KIF18A: variants seen among roughly 807,000 people sequenced by gnomAD.
KIF18A encodes the protein kinesin family member 18A.
A neutral mutation model predicts 103.3 loss-of-function variants in KIF18A; 67 were observed. That is an observed-to-expected ratio of 0.65 (90% CI 0.53 to 0.79). The LOEUF (loss-of-function observed/expected upper bound fraction) is 0.79, where lower values mean the gene tolerates loss of function less well. KIF18A is among the 30% of genes least tolerant of loss of function. KIF18A has a pLI of 0.00. For missense variants in KIF18A, 1,032 were observed against 1,062.5 expected, an observed-to-expected ratio of 0.97 and a Z score of 0.40; for synonymous variants, 367 against 355.5, an observed-to-expected ratio of 1.03 and a Z score of -0.36.
Position 28,029,606 on chromosome 11 carries a change from T to C in KIF18A, c.2505-5756A>G, listed in dbSNP as rs569601791. 2.0e-3 allele frequency among the ~76,000 whole-genome samples: 299 copies of C among 152,290 alleles called. 1 individual carries two copies. Among genetic ancestry groups the C allele is most frequent in the African/African-American group, 5.9e-3 (247 of 41,560 alleles). Reference sequence around the variant, plus strand: ...TGTGCAAAAACTGGAAGCATTCCCTTTGAAAACTGGCACAAGACAGGGATG... The same window carrying C: ...TGTGCAAAAACTGGAAGCATTCCCTCTGAAAACTGGCACAAGACAGGGATG... On this transcript the variant is annotated intron_variant, in intron 15 of 16. Coordinates refer to ENST00000263181, the MANE Select transcript of KIF18A (RefSeq NM_031217.4).
intron 15 of KIF18A, 124 bp from the exon 16 acceptor site, chr11:28,023,974 A>C: frequency 2.0e-6 from 1 of 507,036 alleles, no homozygotes; most frequent in Non-Finnish European, 3.5e-6. Flanking sequence ...GTGAAATCTC[A>C]CAGAAGTGGA....
At position 28,084,780 on chromosome 11, in the gene KIF18A, T is replaced by G; in HGVS notation, c.926A>C (p.Asn309Thr). ...KRKNQHIPYR[N>T]SKLTRLLKDS... ...CTTTAACAAGCGAGTAAGCTTACTATTTCTGTAAGGGATATGCTGATTCTT... is the reference window on the plus strand; with the variant it reads ...CTTTAACAAGCGAGTAAGCTTACTAGTTCTGTAAGGGATATGCTGATTCTT... Residue 309 changes from asparagine to threonine, a missense_variant, in exon 7 of 17, where the codon AAT (asparagine) becomes ACT (threonine). Physicochemically the swap from Asn to Thr is moderately conservative, Grantham distance 65. Transcript: ENST00000263181. 6.2e-7 allele frequency: 1 copy of G among 1,613,090 alleles called. No homozygotes were observed. Among genetic ancestry groups the G allele is most frequent in the Non-Finnish European group, 8.5e-7 (1 of 1,179,348 alleles).
At chr11:28,058,335 G>C (rs376832591) in intron 13 of KIF18A, among the ~76,000 whole-genome samples, 2 of 151,286 alleles carry the variant, frequency 1.3e-5, no homozygotes, top group African/African-American at 4.9e-5. Context: ...AAGAAGGATG[G>C]GAAGCAAAAT....
chr11:28,034,929 G>C (rs553808936), intron 15 of KIF18A, among the ~76,000 whole-genome samples: 17 of 151,526 alleles, frequency 1.1e-4, no homozygotes, highest in African/African-American at 4.1e-4. Context: ...TAGGTAGCTT[G>C]GTCTGATACA....
chr11:28,041,401 A>T (rs1440930916), intron 13 of KIF18A, among the ~76,000 whole-genome samples: 3 of 151,740 alleles, frequency 2.0e-5, no homozygotes, highest in Non-Finnish European at 4.4e-5. Context: ...CAGAAAAAAT[A>T]GCATGTGCAG....
At chr11:28,052,400 T>C (rs1304561329) in intron 13 of KIF18A, among the ~76,000 whole-genome samples, 1 of 152,146 alleles carries the variant, frequency 6.6e-6, no homozygotes, top group African/African-American at 2.4e-5. Flanking sequence ...ACTTTCATTC[T>C]CTTTTTCTTT....
chr11:28,037,501 C>T (rs1019816121), intron 13 of KIF18A, among the ~76,000 whole-genome samples: 1 of 151,454 alleles, frequency 6.6e-6, no homozygotes, highest in Non-Finnish European at 1.5e-5. Flanking sequence ...AGGCTATATA[C>T]TATGCCATTT....
At chr11:28,097,591 A>T in intron 2 of KIF18A, 32 bp downstream of exon 2, 1 of 1,351,412 alleles carries the variant, frequency 7.4e-7, no homozygotes, top group Non-Finnish European at 1.1e-6. Context: ...GAAATCGGAT[A>T]GAGAAATTAA....
chr11:28,065,355 G>A (rs1162682393), intron 11 of KIF18A, among the ~76,000 whole-genome samples: 1 of 151,956 alleles, frequency 6.6e-6, no homozygotes, highest in Non-Finnish European at 1.5e-5. Flanking sequence ...AAAGAATTGA[G>A]GGTTAGATTT....
chr11:28,075,180 T>C (rs1006959541), intron 10 of KIF18A, among the ~76,000 whole-genome samples: 13 of 152,170 alleles, frequency 8.5e-5, no homozygotes, highest in Non-Finnish European at 1.6e-4. Flanking sequence ...CTATCCTTTA[T>C]ACAACATCTT....
chr11:28,068,191 C>T (rs1174842502), intron 11 of KIF18A, among the ~76,000 whole-genome samples: 7 of 152,076 alleles, frequency 4.6e-5, no homozygotes, highest in African/African-American at 1.4e-4. Flanking sequence ...AAACACTGCA[C>T]GTTCTCACTC....
At chr11:28,048,591 T>C (rs1421524266) in intron 13 of KIF18A, among the ~76,000 whole-genome samples, 1 of 152,074 alleles carries the variant, frequency 6.6e-6, no homozygotes, top group Non-Finnish European at 1.5e-5. Context: ...AACTAAATAC[T>C]AATATAAGTT....
intron 12 of KIF18A, among the ~76,000 whole-genome samples, chr11:28,060,987 C>T (rs932580127): frequency 2.6e-5 from 4 of 152,154 alleles, no homozygotes; most frequent in African/African-American, 7.2e-5. Flanking sequence ...GCAGACTTTG[C>T]GCCCTGTACC....
chr11:28,025,520 C>A (rs1850306152), intron 15 of KIF18A, among the ~76,000 whole-genome samples: 2 of 151,900 alleles, frequency 1.3e-5, no homozygotes, highest in Non-Finnish European at 2.9e-5. Flanking sequence ...TTACTCATAG[C>A]ATGTTCTTTC....
chr11:28,076,390 G>A (rs1163523350), intron 10 of KIF18A: 1 of 152,092 alleles, frequency 6.6e-6, no homozygotes, highest in East Asian at 1.9e-4. Flanking sequence ...TTTAGTAACT[G>A]GCTAACCTGA....
chr11:28,083,369 A>C (rs1013943711), intron 7 of KIF18A, 126 bp from the exon 8 acceptor site: 35 of 1,051,508 alleles, frequency 3.3e-5, no homozygotes, highest in Admixed American at 1.5e-4. Context: ...AATTATGCTC[A>C]CATTTAAAAT....
At chr11:28,036,722 C>G in intron 13 of KIF18A, 58 bp from the exon 14 acceptor site, 1 of 1,068,806 alleles carries the variant, frequency 9.4e-7, no homozygotes, top group Non-Finnish European at 1.3e-6. Context: ...TTAAATAACC[C>G]CCATTACTTT....
intron 10 of KIF18A, among the ~76,000 whole-genome samples, 178 bp from the exon 11 acceptor site, chr11:28,069,601 T>C (rs964044819): frequency 2.0e-5 from 3 of 152,006 alleles, no homozygotes; most frequent in African/African-American, 4.8e-5. Flanking sequence ...TGCAAGAAAA[T>C]AGGAAATTGA....
At chr11:28,024,535 T>C (rs1191657552) in intron 15 of KIF18A, among the ~76,000 whole-genome samples, 6 of 151,866 alleles carry the variant, frequency 4.0e-5, no homozygotes, top group Admixed American at 1.3e-4. Flanking sequence ...ACTTATAGAA[T>C]AGACATACAG....
Sources: allele counts gnomAD v4.1 joint callset (sites outside exome capture counted in the v4.1 genomes callset), GRCh38; gene constraint gnomAD v4.1.1; transcripts MANE v1.5; gene names NCBI Gene and HGNC (gene_info 2026-07-23, HGNC 2026-07-21).